Variants in SF3B3 observed in about 807,000 individuals in gnomAD.
SF3B3 encodes the protein SAP 130.
A neutral mutation model predicts 139.2 loss-of-function variants in SF3B3; 33 were observed. The ratio of observed to expected loss-of-function variants is 0.24; its 90% CI spans 0.18 to 0.32. The LOEUF is 0.32. Among genes scored for constraint, SF3B3 ranks in the 10% least tolerant of loss-of-function variants. SF3B3 has a pLI of 1.00. For synonymous variants in SF3B3, 596 were observed against 563.6 expected (o/e 1.06, Z -0.81); for missense variants, 818 against 1,509.4 (o/e 0.54, Z 7.59).
intron 11 of SF3B3, among the ~76,000 whole-genome samples, chr16:70,548,727 A>G (rs755228353): frequency 6.6e-6 from 1 of 152,244 alleles, no homozygotes; most frequent in African/African-American, 2.4e-5. Context: ...CTTTATATTC[A>G]TAAAGGTACT....
Position 70,574,032 on chromosome 16 carries a change from C to G in SF3B3, c.*2219C>G, listed in dbSNP as rs1395277055. Reference sequence around the variant, plus strand: ...ACAGCTGCCGGCGCTGGAAAAGGCTCGTCTCACAGGGAGAGTGCTGGTCCC... The same window carrying G: ...ACAGCTGCCGGCGCTGGAAAAGGCTGGTCTCACAGGGAGAGTGCTGGTCCC... On this transcript the variant is annotated 3_prime_UTR_variant, in exon 26 of 26. Coordinates refer to ENST00000302516, the MANE Select transcript of SF3B3 (RefSeq NM_012426.5). 1 of 152,150 alleles carries G rather than the reference C, an allele frequency of 6.6e-6. No homozygotes were observed. Among genetic ancestry groups the G allele is most frequent in the Admixed American group, 6.5e-5 (1 of 15,276 alleles). The allele number at this position is 152,150 out of a possible 1,614,324, so 9.4% of individuals were successfully genotyped here.
chr16:70,557,102 C>G, intron 15 of SF3B3, 73 bp downstream of exon 15: 1 of 1,450,636 alleles, frequency 6.9e-7, no homozygotes, highest in South Asian at 1.4e-5. Flanking sequence ...TGTTTGATAA[C>G]AGGGATTTTC....
Position 70,538,306 on chromosome 16 carries a change from GT to G in SF3B3, c.826-12del. ...TACCCATTTCTAAGACATTGATTGT[GT>G]TTTTGACTTTGCTAGAATGACCTGG... On this transcript the variant is annotated splice_polypyrimidine_tract_variant and intron_variant, in intron 6 of 25. Coordinates refer to ENST00000302516, the MANE Select transcript of SF3B3 (RefSeq NM_012426.5). 6.2e-7 allele frequency: 1 copy of G among 1,611,576 alleles called. No homozygotes were observed. Among genetic ancestry groups the G allele is most frequent in the Non-Finnish European group, 8.5e-7 (1 of 1,178,116 alleles).
At chr16:70,567,564 T>C in intron 21 of SF3B3, 28 bp downstream of exon 21, 2 of 1,605,662 alleles carry the variant, frequency 1.2e-6, no homozygotes, top group Non-Finnish European at 1.7e-6. Flanking sequence ...GGTGCTGAGA[T>C]CTAGCTCATG....
intron 4 of SF3B3, among the ~76,000 whole-genome samples, chr16:70,532,129 C>G (rs556292208): frequency 1.3e-5 from 2 of 152,220 alleles, no homozygotes; most frequent in Non-Finnish European, 2.9e-5. Context: ...CCCATCTCTA[C>G]TAAAAATACA....
At chr16:70,527,478 C>G (rs899667696) in intron 2 of SF3B3, among the ~76,000 whole-genome samples, 1 of 152,156 alleles carries the variant, frequency 6.6e-6, no homozygotes, top group African/African-American at 2.4e-5. Flanking sequence ...TAATGTGGTA[C>G]TGAATACTTA....
At chr16:70,561,472 C>T (rs2050428481) in intron 16 of SF3B3, 158 bp from the exon 17 acceptor site, 1 of 651,392 alleles carries the variant, frequency 1.5e-6, no homozygotes, top group Non-Finnish European at 2.7e-6. Flanking sequence ...TAGTGCCTCT[C>T]TCTAGCCCTC....
rs776672804 is a variant in SF3B3, at chr16:70,565,412, T to C, written c.2714T>C (p.Val905Ala). ...TCCAACACTGGTGAAGACTGGTATG[T>C]GCTGGTGGGTGTGGCCAAGGACCTG... ...RFSNTGEDWY[V>A]LVGVAKDLIL... The change falls in exon 20 of 26, where the codon GTG (valine) becomes GCG (alanine). Residue 905 changes from valine to alanine, a missense_variant. Around this residue, in one of 14 missense-constraint regions of SF3B3, gnomAD observed 145 missense variants for 153.6 expected, o/e 0.94. Transcript: ENST00000302516. 13 of 1,614,184 alleles carry C rather than the reference T, an allele frequency of 8.1e-6. No homozygotes were observed. The South Asian group carries it at 1.4e-4, about 18-fold the overall frequency.
At chr16:70,565,572 C>A in intron 20 of SF3B3, 48 bp downstream of exon 20, 3 of 1,559,504 alleles carry the variant, frequency 1.9e-6, no homozygotes, top group Non-Finnish European at 2.6e-6. Context: ...CCATTGAATT[C>A]TCTCACTTTT....
chr16:70,557,675 T>A (rs1164832547), intron 15 of SF3B3, among the ~76,000 whole-genome samples: 4 of 152,154 alleles, frequency 2.6e-5, no homozygotes, highest in African/African-American at 9.7e-5. Context: ...TAGTTTTTTT[T>A]CTTTTGTTGG....
intron 5 of SF3B3, among the ~76,000 whole-genome samples, chr16:70,534,847 T>A (rs2050151689): frequency 1.3e-5 from 2 of 152,064 alleles, no homozygotes; most frequent in South Asian, 2.1e-4. Flanking sequence ...TTTTGTAGTT[T>A]TAGTAGAGAC....
chr16:70,555,500 A>AAAAAAAG (rs1555500454), intron 13 of SF3B3, among the ~76,000 whole-genome samples: 8 of 141,526 alleles, frequency 5.7e-5, no homozygotes, highest in African/African-American at 2.6e-5. Flanking sequence ...AAAAAAAAAA[A>AAAAAAAG]GCGAGCTGGA....
chr16:70,539,340 G>A, intron 8 of SF3B3, 133 bp downstream of exon 8: 1 of 676,192 alleles, frequency 1.5e-6, no homozygotes, highest in South Asian at 1.6e-5. Context: ...CTGAGGTAAG[G>A]AGTTGGAGAC....
At chr16:70,535,033 G>A (rs2050153663) in intron 5 of SF3B3, among the ~76,000 whole-genome samples, 1 of 152,156 alleles carries the variant, frequency 6.6e-6, no homozygotes, top group African/African-American at 2.4e-5. Flanking sequence ...ATGTATTATA[G>A]GTCTGAAGAT....
In SF3B3 at chr16:70,569,054, A is replaced by G; in HGVS notation, c.3177A>G (p.Pro1059=). ...TCACTTCCTTGTAGGTGAGGCTCCC[A>G]CCTAACACCAATGATGAAGTAGATG... ...KFGNICVVRL[P]PNTNDEVDED... is the part of the protein sequence containing the mutation. The change falls in exon 23 of 26, where the codon CCA becomes CCG. Residue 1059 remains proline (P), a synonymous_variant. Transcript: ENST00000302516. 6.2e-7 allele frequency: 1 copy of G among 1,609,940 alleles called. No homozygotes were observed. The highest frequency in any genetic ancestry group is 8.5e-7 in the Non-Finnish European group (1 of 1,178,464).
intron 10 of SF3B3, among the ~76,000 whole-genome samples, chr16:70,545,542 G>A (rs1332590957): frequency 6.6e-6 from 1 of 152,102 alleles, no homozygotes; most frequent in Non-Finnish European, 1.5e-5. Context: ...TCTAGTGAGG[G>A]CCCTGAACTT....
intron 15 of SF3B3, among the ~76,000 whole-genome samples, chr16:70,559,154 C>T (rs934374097): frequency 1.3e-5 from 2 of 152,198 alleles, no homozygotes; most frequent in African/African-American, 4.8e-5. Context: ...CTATTACACA[C>T]ATTGCCTAGG....
At chr16:70,551,512 G>C (rs1567418398) in intron 11 of SF3B3, among the ~76,000 whole-genome samples, 2 of 152,148 alleles carry the variant, frequency 1.3e-5, no homozygotes, top group South Asian at 4.1e-4. Flanking sequence ...AGACCAGCCT[G>C]ACCAATATGG....
intron 6 of SF3B3, 150 bp downstream of exon 6, chr16:70,535,570 A>G: frequency 2.4e-6 from 1 of 418,820 alleles, no homozygotes; most frequent in Middle Eastern, 6.4e-4. Context: ...TGTTTTTAAT[A>G]AAGCTGGTGA....
Sources: gnomAD v4.1 joint callset for allele counts (sites outside exome capture counted in the v4.1 genomes callset) on GRCh38, gnomAD v4.1.1 for gene constraint, gnomAD v4.1.1 regional missense constraint, MANE v1.5 for transcripts, NCBI Gene and HGNC (gene_info 2026-07-23, HGNC 2026-07-21) for gene names.